TAP2: variants seen among roughly 807,000 people sequenced by gnomAD.
TAP2 encodes the protein transporter 2, ATP binding cassette subfamily B member, also known as antigen peptide transporter 2.
Under a neutral mutation model 74.7 loss-of-function variants are expected in TAP2, and 49 were observed. The ratio of observed to expected loss-of-function variants is 0.66; its 90% CI spans 0.52 to 0.83. TAP2 has a LOEUF of 0.83. TAP2 is among the 40% of genes least tolerant of loss of function. The pLI is 0.00. For synonymous variants in TAP2, 306 were observed against 368.4 expected (o/e 0.83, Z 1.94); for missense variants, 739 against 859.0 (o/e 0.86, Z 1.75).
At chr6:32,830,838 T>G (rs1157787165) in intron 7 of TAP2, 32 bp from the exon 8 acceptor site, 1 of 1,575,662 alleles carries the variant, frequency 6.3e-7, no homozygotes, top group South Asian at 1.2e-5. Flanking sequence ...GCCGGCTAAT[T>G]AAACACACTT....
In TAP2 at chr6:32,829,932, G is replaced by T. The variant is rs1457217176; in HGVS notation, c.1793C>A (p.Thr598Lys). Residue 598 changes from threonine to lysine, a missense_variant and splice_region_variant, in exon 10 of 12, where the codon ACA (threonine) becomes AAA (lysine). Physicochemically the swap from Thr to Lys is moderately conservative, Grantham distance 78. Transcript: ENST00000374897. ...AGCTTACAATTTGTAGAAGATACCT[G>T]TGTATATTCCATGCTCCATTTCCTG... ...FIQEMEHGIYTDVGEKGSQLA... is the reference protein window; with the variant it reads ...FIQEMEHGIYKDVGEKGSQLA... 1.9e-6 allele frequency: 3 copies of T among 1,613,102 alleles called. No homozygotes were observed. Among genetic ancestry groups the T allele is most frequent in the Non-Finnish European group, 2.5e-6 (3 of 1,180,026 alleles).
At chr6:32,822,379 G>T, downstream of TAP2, 2 of 1,086,254 alleles carry the variant, frequency 1.8e-6, no homozygotes, top group Non-Finnish European at 2.7e-6. Context: ...ATCTGTGCTA[G>T]AATCTGTTTG....
chr6:32,825,986 G>A lies in TAP2; in HGVS notation c.*2920C>T. The A allele has an allele frequency of 1.0e-6, 1 of 983,458 alleles. No homozygotes were observed. Among genetic ancestry groups the A allele is most frequent in the Non-Finnish European group, 1.2e-6 (1 of 829,668 alleles). The allele number at this position is 983,458 out of a possible 1,614,324, so 60.9% of individuals were successfully genotyped here. A position where few individuals can be genotyped will look rare whatever the true frequency, so the allele number is the denominator to read the frequency against. ...AGTAAGCACCAGTGAATGCTTAGTA[G>A]TAGTAGTAGTCTAATTCCTAAGAGT... On this transcript the variant is annotated 3_prime_UTR_variant, in exon 12 of 12. Transcript: ENST00000374897.
downstream of TAP2, among the ~76,000 whole-genome samples, chr6:32,822,774 G>A (rs780099911): frequency 6.6e-5 from 10 of 152,024 alleles, no homozygotes; most frequent in South Asian, 2.1e-4. Context: ...CAAGCAATCC[G>A]ACTGCTTAGG....
At position 32,830,781 on chromosome 6, in the gene TAP2, A is replaced by T. The variant is rs868403734; in HGVS notation, c.1298T>A (p.Met433Lys). The stretch of plus-strand genomic sequence containing the variant: ...CTCTGCAGCTCCCACGTTGCTGAGC[A>T]TATCCCCATATATGTATACCAGGGT... ...VQTLVYIYGD[M>K]LSNVGAAEKV... The change falls in exon 8 of 12, where the codon ATG (methionine) becomes AAG (lysine). Residue 433 changes from methionine to lysine, a missense_variant. By Grantham distance (95) the Met-to-Lys change is moderately conservative. Transcript: ENST00000374897. 2 of 1,612,168 alleles carry T rather than the reference A, an allele frequency of 1.2e-6. No individual in the cohort carries two copies. Among genetic ancestry groups the T allele is most frequent in the African/African-American group, 2.7e-5 (2 of 75,036 alleles).
At position 32,835,834 on chromosome 6, in the gene TAP2, A is replaced by G. The variant is rs763287182; in HGVS notation, c.609-61T>C. 8.1e-6 allele frequency: 13 copies of G among 1,611,218 alleles called. No individual in the cohort carries two copies. The highest frequency in any genetic ancestry group is 1.1e-5 in the Non-Finnish European group (13 of 1,178,492). The stretch of plus-strand genomic sequence containing the variant: ...AGAGAAGGAGCAAGCCAGCGGGTGA[A>G]ACAGAGGAGCAAGCCAGGAGTGCAG... On this transcript the variant is annotated intron_variant, in intron 3 of 11. Transcript: ENST00000374897. The surrounding 1 kb of genome is among the most constrained non-coding windows in gnomAD (Gnocchi z 4.0).
At chr6:32,833,087 T>C (rs1582578906) in intron 5 of TAP2, among the ~76,000 whole-genome samples, 1 of 152,286 alleles carries the variant, frequency 6.6e-6, no homozygotes, top group Non-Finnish European at 1.5e-5. Context: ...ATCCCCAGTG[T>C]CTGAATCAGG....
intron 9 of TAP2, 66 bp from the exon 10 acceptor site, chr6:32,830,155 C>T: frequency 6.2e-7 from 1 of 1,612,420 alleles, no homozygotes; most frequent in Non-Finnish European, 8.5e-7. Flanking sequence ...CTTTTGTCCT[C>T]CCCACCTACC....
rs760274197 is a variant in TAP2, at chr6:32,832,729, G to C, written c.1041C>G (p.Ala347=). The change falls in exon 6 of 12, where the codon GCC becomes GCG. Residue 347 remains alanine (A), a synonymous_variant. Coordinates refer to ENST00000374897, the MANE Select transcript of TAP2 (RefSeq NM_001290043.2). This position sits in a 1 kb window ranked among gnomAD's most constrained non-coding sequence, Gnocchi z 5.9. The part of the protein sequence containing the change: ...GGLQTVRSFG[A]EEHEVCRYKE... ...TATAGCGACAGACTTCATGCTCCTC[G>C]GCCCCAAAACTGCGAACGGTCTGCA... The C allele has an allele frequency of 6.2e-7, 1 of 1,612,998 alleles. No homozygotes were observed. The highest frequency in any genetic ancestry group is 8.5e-7 in the Non-Finnish European group (1 of 1,180,042).
chr6:32,822,269 C>A, downstream of TAP2: 1 of 1,535,152 alleles, frequency 6.5e-7, no homozygotes, highest in South Asian at 1.2e-5. Flanking sequence ...TCATTATTCC[C>A]AGGAAATATC....
Position 32,835,373 on chromosome 6 carries a change from A to G in TAP2, c.740-14T>C. The G allele has an allele frequency of 6.2e-7, 1 of 1,613,046 alleles. No individual in the cohort carries two copies. Among genetic ancestry groups the G allele is most frequent in the East Asian group, 2.2e-5 (1 of 44,890 alleles). ...AGTTCAGCTCCCCTAAGAAGGACAG[A>G]GCAGGTGAGGAAAAAGGAAACCATG... On this transcript the variant is annotated splice_polypyrimidine_tract_variant and intron_variant, in intron 4 of 11. Transcript: ENST00000374897. The surrounding 1 kb of genome is among the most constrained non-coding windows in gnomAD (Gnocchi z 4.0).
Position 32,832,202 on chromosome 6 carries a change from C to T in TAP2, c.1272+131G>A. ...ATTTTTGGCATATGTTTAAAATTCTCCATAGCAAAATTACTTGCGGGTTTT... is the reference window on the plus strand; with the variant it reads ...ATTTTTGGCATATGTTTAAAATTCTTCATAGCAAAATTACTTGCGGGTTTT... On this transcript the variant is annotated intron_variant, in intron 7 of 11. Coordinates refer to ENST00000374897, the MANE Select transcript of TAP2 (RefSeq NM_001290043.2). The surrounding 1 kb of genome is among the most constrained non-coding windows in gnomAD (Gnocchi z 5.9). 7.5e-7 allele frequency: 1 copy of T among 1,329,166 alleles called. No individual in the cohort carries two copies. Among genetic ancestry groups the T allele is most frequent in the Non-Finnish European group, 1.0e-6 (1 of 955,714 alleles). The allele number at this position is 1,329,166 out of a possible 1,614,324, so 82.3% of individuals were successfully genotyped here. A position where few individuals can be genotyped will look rare whatever the true frequency, so the allele number is the denominator to read the frequency against.
chr6:32,837,773 G>A lies in TAP2; in HGVS notation c.461C>T (p.Ala154Val), dbSNP rs978009788. ...AGCAAGGACAAGGAAGAAGAAGGCG[G>A]CAACGAGGAGAGGCAGGTCCGGCCT... Reference protein sequence around the residue: ...LSRPDLPLLVAAFFFLVLAVL... With the variant: ...LSRPDLPLLVVAFFFLVLAVL... The change falls in exon 2 of 12, where the codon GCC (alanine) becomes GTC (valine). Residue 154 changes from alanine to valine, a missense_variant. By Grantham distance (64) the Ala-to-Val change is moderately conservative (BLOSUM62 0). Transcript: ENST00000374897. The A allele has an allele frequency of 1.9e-6, 3 of 1,614,040 alleles. No homozygotes were observed. The African/African-American group carries it at 4.0e-5, about 22-fold the overall frequency.
Position 32,828,715 on chromosome 6 carries a change from A to G in TAP2, c.*191T>C. 1 of 1,010,142 alleles carries G rather than the reference A, an allele frequency of 9.9e-7. No individual in the cohort carries two copies. The highest frequency in any genetic ancestry group is 1.2e-6 in the Non-Finnish European group (1 of 852,628). 62.6% of individuals were successfully genotyped at this position (1,010,142 alleles called of 1,614,324 possible). A position where few individuals can be genotyped will look rare whatever the true frequency, so the allele number is the denominator to read the frequency against. Reference sequence around the variant, plus strand: ...CACCCCACCTCTCTACCCCACCAAAAGCACACAGTGTCCAAATCTCCATCG... The same window carrying G: ...CACCCCACCTCTCTACCCCACCAAAGGCACACAGTGTCCAAATCTCCATCG... On this transcript the variant is annotated 3_prime_UTR_variant, in exon 12 of 12. Coordinates refer to ENST00000374897, the MANE Select transcript of TAP2 (RefSeq NM_001290043.2).
downstream of TAP2, among the ~76,000 whole-genome samples, chr6:32,824,546 G>A (rs184383647): frequency 1.1e-3 from 161 of 151,964 alleles, no homozygotes; most frequent in African/African-American, 3.7e-3. Flanking sequence ...ATTTACATTC[G>A]TTTCTGTTAC....
Position 32,835,456 on chromosome 6 carries a change from C to T in TAP2, c.740-97G>A. ...ACCGTTCCCTCTGACACAGCCCCCT[C>T]CTCTGAACATCCTCCTTCACTTGCA... On this transcript the variant is annotated intron_variant, in intron 4 of 11. Transcript: ENST00000374897. This position sits in a 1 kb window ranked among gnomAD's most constrained non-coding sequence, Gnocchi z 4.0. The T allele has an allele frequency of 1.4e-6, 2 of 1,459,860 alleles. No homozygotes were observed. Among genetic ancestry groups the T allele is most frequent in the Non-Finnish European group, 1.9e-6 (2 of 1,052,804 alleles). 90.4% of individuals were successfully genotyped at this position (1,459,860 alleles called of 1,614,324 possible). A position where few individuals can be genotyped will look rare whatever the true frequency, so the allele number is the denominator to read the frequency against.
chr6:32,829,985 G>A lies in TAP2; in HGVS notation c.1740C>T (p.Ala580=). 1.2e-6 allele frequency: 2 copies of A among 1,613,048 alleles called. No homozygotes were observed. The highest frequency in any genetic ancestry group is 1.7e-6 in the Non-Finnish European group (2 of 1,180,016). Residue 580 remains alanine, a synonymous_variant, in exon 10 of 12, where the codon GCC becomes GCT. Transcript: ENST00000374897. ...SCEDDKVMAA[A]QAAHADDFIQ... The stretch of plus-strand genomic sequence containing the variant: ...TGAAGTCATCTGCGTGGGCAGCCTG[G>A]GCAGCCGCCATCACCTTATCATCTT...
At position 32,828,870 on chromosome 6, in the gene TAP2, C is replaced by T. The variant is rs980083909; in HGVS notation, c.*36G>A. 1.3e-6 allele frequency: 2 copies of T among 1,524,706 alleles called. No homozygotes were observed. The highest frequency in any genetic ancestry group is 1.2e-5 in the South Asian group (1 of 82,544). 94.4% of individuals were successfully genotyped at this position (1,524,706 alleles called of 1,614,324 possible). ...CCCTGGGGCCTCAGTCCATCAGCCG[C>T]TGCTGCACCAGGCGGGAATAGAGGT... is the stretch of plus-strand genomic sequence containing the variant. On this transcript the variant is annotated 3_prime_UTR_variant, in exon 12 of 12. Transcript: ENST00000374897.
At position 32,835,273 on chromosome 6, in the gene TAP2, C is replaced by G; in HGVS notation, c.826G>C (p.Val276Leu). The change falls in exon 5 of 12, where the codon GTG (valine) becomes CTG (leucine). Residue 276 changes from valine to leucine, a missense_variant. Coordinates refer to ENST00000374897, the MANE Select transcript of TAP2 (RefSeq NM_001290043.2). This position sits in a 1 kb window ranked among gnomAD's most constrained non-coding sequence, Gnocchi z 4.0. ...LNANVLLRSLVKVVGLYGFML... is the reference protein window; with the variant it reads ...LNANVLLRSLLKVVGLYGFML... ...AAGCCATACAGCCCCACCACTTTCA[C>G]CAGGCTTCGCAAGAGCACATTGGCA... 1 of 1,613,108 alleles carries G rather than the reference C, an allele frequency of 6.2e-7. No individual in the cohort carries two copies. Among genetic ancestry groups the G allele is most frequent in the Non-Finnish European group, 8.5e-7 (1 of 1,180,034 alleles).
Sources: gnomAD v4.1 joint callset for allele counts (sites outside exome capture counted in the v4.1 genomes callset) on GRCh38, gnomAD v4.1.1 for gene constraint, Gnocchi (gnomAD v3.1) non-coding constraint, MANE v1.5 for transcripts, NCBI Gene and HGNC (gene_info 2026-07-23, HGNC 2026-07-21) for gene names.